The following ANO8 variants were observed in gnomAD, a reference collection of about 807,000 sequenced individuals.
ANO8 encodes the protein anoctamin-8.
ANO8 carries 67 observed loss-of-function variants against 120.4 expected under a neutral mutation model. The ratio of observed to expected loss-of-function variants is 0.56; its 90% CI spans 0.46 to 0.68. ANO8 has a LOEUF of 0.68. Ranked by LOEUF, ANO8 falls within the 30% of genes least tolerant of loss-of-function variation. The probability of loss-of-function intolerance (pLI) is 0.00; values close to 1 mark genes in which losing one functional copy is unlikely to be tolerated. For missense variants in ANO8, 1,526 were observed against 1,737.6 expected, an observed-to-expected ratio of 0.88 and a Z score of 2.16; for synonymous variants, 727 against 759.2, an observed-to-expected ratio of 0.96 and a Z score of 0.70.
chr19:17,333,239 G>C lies in ANO8; in HGVS notation c.351C>G (p.Ser117Arg). The change falls in exon 4 of 18, where the codon AGC becomes AGG. Residue 117 changes from serine to arginine, a missense_variant and splice_region_variant. Ser to Arg is a moderately radical substitution (Grantham distance 110, BLOSUM62 -1). Transcript: ENST00000159087. The surrounding 1 kb of genome is among the most constrained non-coding windows in gnomAD (Gnocchi z 7.2). The part of the protein sequence containing the change: ...YAFFVTATYE[S>R]LLRGADELGL... ...CCAGCTCGTCGGCCCCTCGGAGTAG[G>C]CTGTGAAGAAGGCGGAGGAGGTGGG... The C allele has an allele frequency of 6.2e-7, 1 of 1,608,796 alleles. No homozygotes were observed. The highest frequency in any genetic ancestry group is 8.5e-7 in the Non-Finnish European group (1 of 1,176,620).
chr19:17,323,695 G>A lies in ANO8; in HGVS notation c.3521C>T (p.Pro1174Leu), dbSNP rs1479858089. 8.2e-7 allele frequency: 1 copy of A among 1,218,522 alleles called. No homozygotes were observed. The highest frequency in any genetic ancestry group is 1.0e-6 in the Non-Finnish European group (1 of 978,922). 75.5% of individuals were successfully genotyped at this position (1,218,522 alleles called of 1,614,324 possible). A position where few individuals can be genotyped will look rare whatever the true frequency, so the allele number is the denominator to read the frequency against. Residue 1174 changes from proline to leucine, a missense_variant, in exon 18 of 18, where the codon CCA (proline) becomes CTA (leucine). Pro to Leu is a moderately conservative substitution (Grantham distance 98, BLOSUM62 -3). Transcript: ENST00000159087. ...PRQALAAAEC[P>L]PCAMAGPPPA... is the part of the protein sequence containing the mutation. ...TGGGGGCCCGGCCATGGCACAGGGTGGGCACTCGGCAGCGGCCAGGGCCTG... is the reference window on the plus strand; with the variant it reads ...TGGGGGCCCGGCCATGGCACAGGGTAGGCACTCGGCAGCGGCCAGGGCCTG...
chr19:17,326,806 T>C (rs935107408), intron 16 of ANO8, among the ~76,000 whole-genome samples: 9 of 152,218 alleles, frequency 5.9e-5, no homozygotes, highest in African/African-American at 2.2e-4. Context: ...GCTGTGTCCC[T>C]GGCCCCCTAA....
Position 17,334,602 on chromosome 19 carries a change from C to T in ANO8, c.69G>A (p.Pro23=), listed in dbSNP as rs540772986. The change falls in exon 1 of 18, where the codon CCG becomes CCA. Residue 23 remains proline, a synonymous_variant. Coordinates refer to ENST00000159087, the MANE Select transcript of ANO8 (RefSeq NM_020959.3). ...ACGCCGGGGCTGCAGGCTCGCCCTC[C>T]GGCGGGGGCCTCTTGCCACGCTCGC... ...LEGERGKRPP[P]EGEPAAPASG... The T allele has an allele frequency of 5.3e-5, 82 of 1,542,852 alleles. No individual in the cohort carries two copies. The South Asian group carries it at 9.1e-4, about 17-fold the overall frequency.
intron 17 of ANO8, among the ~76,000 whole-genome samples, 160 bp from the exon 18 acceptor site, chr19:17,324,044 G>A (rs1476699698): frequency 1.5e-5 from 2 of 132,988 alleles, no homozygotes; most frequent in African/African-American, 2.9e-5. Context: ...GGCGGCTTCC[G>A]GTGCATACCC....
In ANO8 at chr19:17,327,213, G is replaced by T. The variant is rs1391645481; in HGVS notation, c.2661+22C>A. The T allele has an allele frequency of 2.0e-6, 3 of 1,509,518 alleles. No individual in the cohort carries two copies. The African/African-American group carries it at 4.2e-5, about 21-fold the overall frequency. The allele number at this position is 1,509,518 out of a possible 1,614,324, so 93.5% of individuals were successfully genotyped here. A position where few individuals can be genotyped will look rare whatever the true frequency, so the allele number is the denominator to read the frequency against. ...CAGCAGCCCCACCAATGAGAAAACC[G>T]AGCCCAGCCTGGCCCCCCTACCTTA... is the stretch of plus-strand genomic sequence containing the variant. On this transcript the variant is annotated intron_variant, in intron 16 of 17. Transcript: ENST00000159087.
chr19:17,332,028 G>A (rs2074322922), intron 5 of ANO8, among the ~76,000 whole-genome samples: 1 of 139,226 alleles, frequency 7.2e-6, no homozygotes, highest in Non-Finnish European at 1.5e-5. Context: ...TCTGCCTCCC[G>A]GGTTCAAGCG....
chr19:17,330,591 T>G, intron 8 of ANO8, 87 bp from the exon 9 acceptor site: 1 of 1,442,258 alleles, frequency 6.9e-7, no homozygotes, highest in Non-Finnish European at 9.1e-7. Context: ...AGAACTCAAT[T>G]TCCCTCCATC....
At position 17,328,152 on chromosome 19, in the gene ANO8, C is replaced by CCCTGCGAGGCCCCGCCA; in HGVS notation, c.2226+9_2226+10insTGGCGGGGCCTCGCAGG. The CCCTGCGAGGCCCCGCCA allele has an allele frequency of 6.4e-7, 1 of 1,550,624 alleles. No individual in the cohort carries two copies. Reference sequence around the variant, plus strand: ...GCCCCGCCCCCTGCGAGGCCCCGCCCCCTCCTCACCTCGTACTTCTTCATA... The same window carrying CCCTGCGAGGCCCCGCCA: ...GCCCCGCCCCCTGCGAGGCCCCGCCCCCTGCGAGGCCCCGCCACCTCCTCACCTCGTACTTCTTCATA... On this transcript the variant is annotated intron_variant, in intron 13 of 17. Transcript: ENST00000159087.
rs2145694483 is a variant in ANO8, at chr19:17,334,781, G to T, written c.-111C>A. 8.7e-7 allele frequency: 1 copy of T among 1,153,434 alleles called. No homozygotes were observed. The highest frequency in any genetic ancestry group is 1.1e-6 in the Non-Finnish European group (1 of 869,606). 71.4% of individuals were successfully genotyped at this position (1,153,434 alleles called of 1,614,324 possible). On this transcript the variant is annotated 5_prime_UTR_variant, in exon 1 of 18. Transcript: ENST00000159087. ...CGCGGGAGGAGGAGACAAAGGCCGC[G>T]CCCGCCCGCGCCGGCCTCGGTCCTC...
chr19:17,328,430 A>G lies in ANO8; in HGVS notation c.1958T>C (p.Val653Ala), dbSNP rs759155514. The change falls in exon 13 of 18, where the codon GTG (valine) becomes GCG (alanine). Residue 653 changes from valine (V) to alanine (A), a missense_variant. By Grantham distance (64) the Val-to-Ala change is moderately conservative. This residue lies in a region of ANO8 where 467 missense variants were observed against 425.8 expected (regional missense o/e 1.10). Transcript: ENST00000159087. The stretch of plus-strand genomic sequence containing the variant: ...GTCGTCCTCCTCGGCCAGGGTGAAC[A>G]CTCCCGGCTCCAGCCCCTTCTCCAC... ...TMVEKGLEPG[V>A]FTLAEEDDEA... 7 of 1,569,684 alleles carry G rather than the reference A, an allele frequency of 4.5e-6. No individual in the cohort carries two copies. The highest frequency in any genetic ancestry group is 1.4e-5 in the African/African-American group (1 of 73,218).
Position 17,323,575 on chromosome 19 carries a change from G to A in ANO8, c.3641C>T (p.Pro1214Leu), listed in dbSNP as rs1568356872. Residue 1214 changes from proline to leucine, a missense_variant, in exon 18 of 18, where the codon CCC (proline) becomes CTC (leucine). Pro to Leu is a moderately conservative substitution (Grantham distance 98, BLOSUM62 -3). Coordinates refer to ENST00000159087, the MANE Select transcript of ANO8 (RefSeq NM_020959.3). ...GGGGCTGGGGCTGGGGCTAGGGGAG[G>A]GCGCTGGGGTCTCGAGGGGATCCGA... The part of the protein sequence containing the change: ...PTSDPLETPA[P>L]SPSPSPSPQA... The A allele has an allele frequency of 3.1e-6, 4 of 1,288,290 alleles. No homozygotes were observed. The highest frequency in any genetic ancestry group is 1.5e-5 in the African/African-American group (1 of 66,142). The allele number at this position is 1,288,290 out of a possible 1,614,324, so 79.8% of individuals were successfully genotyped here. A position where few individuals can be genotyped will look rare whatever the true frequency, so the allele number is the denominator to read the frequency against.
chr19:17,324,931 A>G lies in ANO8; in HGVS notation c.3117T>C (p.Ser1039=), dbSNP rs770688227. The change falls in exon 17 of 18, where the codon TCT becomes TCC. Residue 1039 remains serine (S), a synonymous_variant. Coordinates refer to ENST00000159087, the MANE Select transcript of ANO8 (RefSeq NM_020959.3). ...CTTTGGGCGGTGAGTGGCTGCGCTC[A>G]GAGTCCCGCCGGGTCTCGGGTGACT... is the stretch of plus-strand genomic sequence containing the variant. ...FLKSPETRRD[S]ERSHSPPKAF... 1 of 1,613,230 alleles carries G rather than the reference A, an allele frequency of 6.2e-7. No homozygotes were observed. Among genetic ancestry groups the G allele is most frequent in the Non-Finnish European group, 8.5e-7 (1 of 1,179,918 alleles).
chr19:17,327,946 C>G (rs2074284281), intron 13 of ANO8, 66 bp from the exon 14 acceptor site: 5 of 1,566,678 alleles, frequency 3.2e-6, no homozygotes, highest in Non-Finnish European at 4.3e-6. Context: ...CCATTGAGCC[C>G]GCCTCCCTCA....
Position 17,325,371 on chromosome 19 carries a change from C to A in ANO8, c.2677G>T (p.Ala893Ser). ...TGCTGCTGCTGGTAGCGATGCTGGG[C>A]CTGGCGCTCGTGTCTCTGCAGGTAG... ...REAFKRHERQ[A>S]QHRYQQQQRR... The change falls in exon 17 of 18, where the codon GCC (alanine) becomes TCC (serine). Residue 893 changes from alanine (A) to serine (S), a missense_variant. By Grantham distance (99) the Ala-to-Ser change is moderately conservative (BLOSUM62 1). Coordinates refer to ENST00000159087, the MANE Select transcript of ANO8 (RefSeq NM_020959.3). 6.3e-7 allele frequency: 1 copy of A among 1,589,126 alleles called. No individual in the cohort carries two copies. The highest frequency in any genetic ancestry group is 8.5e-7 in the Non-Finnish European group (1 of 1,172,750).
At position 17,333,379 on chromosome 19, in the gene ANO8, T is replaced by A. The variant is rs770320498; in HGVS notation, c.350+43A>T. 6.2e-7 allele frequency: 1 copy of A among 1,611,708 alleles called. No homozygotes were observed. The highest frequency in any genetic ancestry group is 8.5e-7 in the Non-Finnish European group (1 of 1,179,098). On this transcript the variant is annotated intron_variant, in intron 3 of 17. Transcript: ENST00000159087. This position sits in a 1 kb window ranked among gnomAD's most constrained non-coding sequence, Gnocchi z 7.2. ...GGTTGGCACTTGGTAGAGCGGGGAG[T>A]CGGGTGGCAGGCTCAGCGAGAGGCC...
In ANO8 at chr19:17,327,850, C is replaced by G; in HGVS notation, c.2257G>C (p.Val753Leu). The G allele has an allele frequency of 6.2e-7, 1 of 1,614,100 alleles. No individual in the cohort carries two copies. Among genetic ancestry groups the G allele is most frequent in the Non-Finnish European group, 8.5e-7 (1 of 1,179,956 alleles). The stretch of plus-strand genomic sequence containing the variant: ...AAGAGCACAACGTAGCCGAACTGCA[C>G]GAACATCTCCTGGTAGTCCTGGAAC... ...DTFQDYQEMF[V>L]QFGYVVLFSS... Residue 753 changes from valine to leucine, a missense_variant, in exon 14 of 18, where the codon GTG becomes CTG. Physicochemically the swap from Val to Leu is conservative, Grantham distance 32. This residue lies in a region of ANO8 where 77 missense variants were observed against 131.5 expected (regional missense o/e 0.59). Coordinates refer to ENST00000159087, the MANE Select transcript of ANO8 (RefSeq NM_020959.3).
intron 5 of ANO8, among the ~76,000 whole-genome samples, chr19:17,332,513 G>A (rs2074326638): frequency 6.6e-6 from 1 of 152,118 alleles, no homozygotes; most frequent in South Asian, 2.1e-4. Context: ...GGAATCCAAC[G>A]CCCAGAGCCG....
chr19:17,331,583 T>C (rs1275013345), intron 5 of ANO8, among the ~76,000 whole-genome samples, 172 bp from the exon 6 acceptor site: 2 of 151,836 alleles, frequency 1.3e-5, no homozygotes, highest in East Asian at 3.9e-4. Context: ...CTTCAGAAAT[T>C]GTAGGTGCAG....
chr19:17,333,603 G>C lies in ANO8; in HGVS notation c.218-49C>G, dbSNP rs772472655. On this transcript the variant is annotated intron_variant, in intron 2 of 17. Transcript: ENST00000159087. The surrounding 1 kb of genome is among the most constrained non-coding windows in gnomAD (Gnocchi z 7.2). Reference sequence around the variant, plus strand: ...TGGCTCCTGCCACGAGGGGGCCCAAGGCCTCCTACGTATTCCCGTTCTGGG... The same window carrying C: ...TGGCTCCTGCCACGAGGGGGCCCAACGCCTCCTACGTATTCCCGTTCTGGG... 3 of 1,516,518 alleles carry C rather than the reference G, an allele frequency of 2.0e-6. No homozygotes were observed. The highest frequency in any genetic ancestry group is 2.7e-6 in the Non-Finnish European group (3 of 1,124,298). 93.9% of individuals were successfully genotyped at this position (1,516,518 alleles called of 1,614,324 possible). A position where few individuals can be genotyped will look rare whatever the true frequency, so the allele number is the denominator to read the frequency against.
Sources: gnomAD v4.1 joint callset for allele counts (sites outside exome capture counted in the v4.1 genomes callset) on GRCh38, gnomAD v4.1.1 for gene constraint, gnomAD v4.1.1 regional missense constraint, Gnocchi (gnomAD v3.1) non-coding constraint, MANE v1.5 for transcripts, NCBI Gene and HGNC (gene_info 2026-07-23, HGNC 2026-07-21) for gene names.